C6orf62: variants seen among roughly 807,000 people sequenced by gnomAD.
The protein encoded by C6orf62 is chromosome 6 open reading frame 62.
A neutral mutation model predicts 26.8 loss-of-function variants in C6orf62; 16 were observed. The ratio of observed to expected loss-of-function variants is 0.60; its 90% CI spans 0.40 to 0.91. The LOEUF (loss-of-function observed/expected upper bound fraction) is 0.91. C6orf62 is among the 40% of genes least tolerant of loss of function. C6orf62 has a pLI of 0.00. For synonymous variants in C6orf62, 112 were observed against 91.5 expected (o/e 1.22, Z -1.28); for missense variants, 192 against 271.4 (o/e 0.71, Z 2.06).
upstream of C6orf62, chr6:24,719,616 C>T (rs987631167): frequency 1.4e-6 from 2 of 1,428,912 alleles, no homozygotes; most frequent in Non-Finnish European, 1.8e-6. Context: ...GTGGTTAGAC[C>T]TGATTAATGC....
chr6:24,714,838 C>T (rs547221094), intron 2 of C6orf62, among the ~76,000 whole-genome samples: 20 of 152,222 alleles, frequency 1.3e-4, no homozygotes, highest in African/African-American at 4.8e-4. Context: ...AGGCTGGTCT[C>T]GAACTCCTGA....
At chr6:24,709,908 G>A in intron 3 of C6orf62, 2 of 985,388 alleles carry the variant, frequency 2.0e-6, no homozygotes, top group Non-Finnish European at 2.4e-6. Flanking sequence ...AAATTTTATT[G>A]CCGTTACGTC....
chr6:24,717,570 G>A (rs750164843), intron 1 of C6orf62, among the ~76,000 whole-genome samples: 15 of 152,208 alleles, frequency 9.9e-5, no homozygotes, highest in African/African-American at 2.4e-5. Context: ...ATGACAGGAG[G>A]ATCACTTTAG....
intron 3 of C6orf62, chr6:24,709,296 GAT>G: frequency 1.0e-6 from 1 of 985,126 alleles, no homozygotes; most frequent in Non-Finnish European, 1.2e-6. Flanking sequence ...AGTACTCCAC[GAT>G]CATAAAATTG....
intron 3 of C6orf62, among the ~76,000 whole-genome samples, chr6:24,711,821 A>C (rs1779126854): frequency 6.6e-6 from 1 of 152,204 alleles, no homozygotes; most frequent in Non-Finnish European, 1.5e-5. Context: ...TCAGAAAAGC[A>C]AATTAGTTCT....
At chr6:24,716,118 T>C (rs1469839355) in intron 2 of C6orf62, 30 bp downstream of exon 2, 3 of 1,595,488 alleles carry the variant, frequency 1.9e-6, no homozygotes, top group East Asian at 2.2e-5. Flanking sequence ...ACAGAAACTT[T>C]ATCAAGTCAA....
upstream of C6orf62, chr6:24,720,133 C>G: frequency 5.3e-6 from 7 of 1,328,284 alleles, no homozygotes; most frequent in Non-Finnish European, 5.7e-6. Context: ...TCCCGAGGGG[C>G]AGGGGGTGGA....
chr6:24,715,142 T>C (rs1779196941), intron 2 of C6orf62, among the ~76,000 whole-genome samples: 1 of 152,262 alleles, frequency 6.6e-6, no homozygotes, highest in African/African-American at 2.4e-5. Context: ...GCTGAAATGC[T>C]ATTTTTATTT....
At chr6:24,720,168 G>A (rs1440820814), upstream of C6orf62, 6 of 1,356,778 alleles carry the variant, frequency 4.4e-6, no homozygotes, top group Non-Finnish European at 5.7e-6. Flanking sequence ...GGCGGGGTGG[G>A]TGACGGGGAA....
intron 4 of C6orf62, chr6:24,707,170 A>T (rs919405726): frequency 3.9e-5 from 6 of 152,172 alleles, no homozygotes; most frequent in African/African-American, 1.4e-4. Flanking sequence ...GTATTAGTTA[A>T]TTTTAAATGT....
chr6:24,716,053 C>T, intron 2 of C6orf62, 95 bp downstream of exon 2: 1 of 902,098 alleles, frequency 1.1e-6, no homozygotes, highest in South Asian at 1.6e-5. Context: ...TGGTCACTAT[C>T]ATAACTATCC....
intron 4 of C6orf62, among the ~76,000 whole-genome samples, chr6:24,707,743 C>T (rs1438523614): frequency 6.6e-6 from 1 of 152,050 alleles, no homozygotes; most frequent in Non-Finnish European, 1.5e-5. Context: ...GTGGCTCACG[C>T]CTGTAATCCC....
At chr6:24,708,685 GAC>G in intron 4 of C6orf62, 90 bp downstream of exon 4, 2 of 1,505,710 alleles carry the variant, frequency 1.3e-6, no homozygotes, top group Non-Finnish European at 9.2e-7. Flanking sequence ...GTGTTTGGGG[GAC>G]ACAACAATTA....
chr6:24,718,436 T>C lies in C6orf62; in HGVS notation c.129+104A>G, dbSNP rs45614044. The C allele has an allele frequency of 5.1e-3, 6,144 of 1,195,352 alleles. 67 individuals carry two copies. Among genetic ancestry groups the C allele is most frequent in the African/African-American group, 0.033 (2,098 of 64,354 alleles). 74.0% of individuals were successfully genotyped at this position (1,195,352 alleles called of 1,614,324 possible). ...CAGAGCATACAAAGCAGACTTTTTT[T>C]CAACCACTCTTTAACCTAATATTCA... On this transcript the variant is annotated intron_variant, in intron 1 of 4. Coordinates refer to ENST00000378119, the MANE Select transcript of C6orf62 (RefSeq NM_030939.5).
rs1488565763 is a variant in C6orf62, at chr6:24,718,623, G to A, written c.46C>T (p.Arg16Cys). ...TCTTTTTTCTTTCTAAGCTGAGCAC[G>A]TAGTCTGTTCAGAGCTTGTTTCTTC... ...SRKKQALNRL[R>C]AQLRKKKESL... Residue 16 changes from arginine (R) to cysteine (C), a missense_variant, in exon 1 of 5, where the codon CGT becomes TGT. By Grantham distance (180) the Arg-to-Cys change is radical. Coordinates refer to ENST00000378119, the MANE Select transcript of C6orf62 (RefSeq NM_030939.5). 1 of 1,614,048 alleles carries A rather than the reference G, an allele frequency of 6.2e-7. No homozygotes were observed. Among genetic ancestry groups the A allele is most frequent in the Non-Finnish European group, 8.5e-7 (1 of 1,179,986 alleles).
At chr6:24,709,038 C>G in intron 3 of C6orf62, 127 bp from the exon 4 acceptor site, 1 of 1,461,378 alleles carries the variant, frequency 6.8e-7, no homozygotes, top group Non-Finnish European at 9.0e-7. Flanking sequence ...TTTAAAAAAA[C>G]AAATTTTGGC....
chr6:24,720,503 GAGAAAA>G (rs1403293175), upstream of C6orf62: 69 of 562,504 alleles, frequency 1.2e-4, no homozygotes, highest in African/African-American at 2.0e-4. Context: ...GCAACAGGGA[GAGAAAA>G]AGAAAAAGAG....
chr6:24,718,757 T>C lies in C6orf62; in HGVS notation c.-89A>G. The C allele has an allele frequency of 1.3e-6, 2 of 1,578,442 alleles. No individual in the cohort carries two copies. Among genetic ancestry groups the C allele is most frequent in the South Asian group, 1.2e-5 (1 of 84,258 alleles). ...AAGACTCAAGTACAACAGAAACAAGTCATTTTTTTTCCTGCTAATATGATT... is the reference window on the plus strand; with the variant it reads ...AAGACTCAAGTACAACAGAAACAAGCCATTTTTTTTCCTGCTAATATGATT... On this transcript the variant is annotated 5_prime_UTR_variant, in exon 1 of 5. Transcript: ENST00000378119.
intron 3 of C6orf62, 103 bp from the exon 4 acceptor site, chr6:24,709,014 G>C (rs1395041728): frequency 6.6e-7 from 1 of 1,515,596 alleles, no homozygotes; most frequent in Non-Finnish European, 8.8e-7. Flanking sequence ...CCAACAGTCC[G>C]TTATCTTTTC....
Sources: allele counts gnomAD v4.1 joint callset (sites outside exome capture counted in the v4.1 genomes callset), GRCh38; gene constraint gnomAD v4.1.1; transcripts MANE v1.5; gene names NCBI Gene and HGNC (gene_info 2026-07-23, HGNC 2026-07-21).